Variants in SLC25A48 observed in about 807,000 individuals in gnomAD.
The protein encoded by SLC25A48 is solute carrier family 25 member 48, also known as CTC-321K16.1.
In SLC25A48, 29 loss-of-function variants were observed where a neutral mutation model predicts 32.2. The observed-to-expected ratio is 0.90, with a 90% CI of 0.67 to 1.23. The LOEUF (loss-of-function observed/expected upper bound fraction) is 1.23, where lower values mean the gene tolerates loss of function less well. Among genes scored for constraint, SLC25A48 ranks in the 50% most tolerant of loss-of-function variants. SLC25A48 has a pLI of 0.00. For synonymous variants in SLC25A48, 164 were observed against 172.3 expected (o/e 0.95, Z 0.38); for missense variants, 399 against 422.7 (o/e 0.94, Z 0.49).
chr5:135,769,812 C>T (rs998252354), intron 3 of SLC25A48, among the ~76,000 whole-genome samples: 2 of 151,258 alleles, frequency 1.3e-5, no homozygotes, highest in African/African-American at 4.9e-5. Context: ...TTACTCCCAA[C>T]ATCGCAGGGA....
At chr5:135,586,200 C>T (rs1384156462) in intron 1 of SLC25A48, among the ~76,000 whole-genome samples, 1 of 152,084 alleles carries the variant, frequency 6.6e-6, no homozygotes, top group Non-Finnish European at 1.5e-5. Context: ...ACGCTGCCTC[C>T]CAGGAGGAGG....
At chr5:135,861,857 G>T (rs1760823351) in intron 4 of SLC25A48, among the ~76,000 whole-genome samples, 1 of 152,304 alleles carries the variant, frequency 6.6e-6, no homozygotes, top group South Asian at 2.1e-4. Flanking sequence ...TACATTTAAA[G>T]GGAATTTCCA....
intron 3 of SLC25A48, among the ~76,000 whole-genome samples, chr5:135,712,063 G>T (rs1480666640): frequency 6.6e-6 from 1 of 152,132 alleles, no homozygotes; most frequent in Non-Finnish European, 1.5e-5. Flanking sequence ...AATTGTCGAT[G>T]ATTTTCTAAT....
intron 3 of SLC25A48, among the ~76,000 whole-genome samples, chr5:135,690,078 T>G (rs1482574907): frequency 6.6e-6 from 1 of 152,032 alleles, no homozygotes; most frequent in Non-Finnish European, 1.5e-5. Flanking sequence ...GCTGGGGGGT[T>G]TCCTAGGATG....
chr5:135,699,491 T>G (rs1206479648), intron 3 of SLC25A48, among the ~76,000 whole-genome samples: 1 of 151,742 alleles, frequency 6.6e-6, no homozygotes, highest in East Asian at 1.9e-4. Flanking sequence ...TAAGCACAAC[T>G]TGTCTACGAT....
At chr5:135,833,503 C>A (rs1463765086), upstream of SLC25A48, among the ~76,000 whole-genome samples, 1 of 152,232 alleles carries the variant, frequency 6.6e-6, no homozygotes, top group East Asian at 1.9e-4. Context: ...ATATCCCGGG[C>A]ATGACAGGGC....
chr5:135,606,643 T>G (rs556011910), intron 1 of SLC25A48, among the ~76,000 whole-genome samples: 1 of 152,312 alleles, frequency 6.6e-6, no homozygotes, highest in South Asian at 2.1e-4. Context: ...CCAGCTCCTT[T>G]GTCTCTGAAA....
At chr5:135,811,326 C>A (rs2126651387) in intron 3 of SLC25A48, among the ~76,000 whole-genome samples, 1 of 152,286 alleles carries the variant, frequency 6.6e-6, no homozygotes, top group East Asian at 1.9e-4. Context: ...CCCAGAAAGA[C>A]AAATATCTCA....
chr5:135,745,696 G>A (rs941654172), intron 3 of SLC25A48, among the ~76,000 whole-genome samples: 3 of 152,160 alleles, frequency 2.0e-5, no homozygotes, highest in African/African-American at 7.2e-5. Context: ...TAGCTCACGT[G>A]TTTATATTTC....
intron 3 of SLC25A48, among the ~76,000 whole-genome samples, chr5:135,766,554 T>C (rs563934285): frequency 1.6e-4 from 24 of 151,220 alleles, no homozygotes; most frequent in African/African-American, 5.8e-4. Context: ...TGTTATATGG[T>C]TCATAATATT....
chr5:135,749,648 A>G (rs886364396), intron 3 of SLC25A48, among the ~76,000 whole-genome samples: 2 of 151,906 alleles, frequency 1.3e-5, no homozygotes, highest in Admixed American at 6.6e-5. Flanking sequence ...CTGGAGTACA[A>G]TGGCATGATC....
chr5:135,581,553 G>A (rs193246545), intron 1 of SLC25A48, among the ~76,000 whole-genome samples: 3 of 152,338 alleles, frequency 2.0e-5, no homozygotes, highest in Admixed American at 2.0e-4. Context: ...TTTGTTTCAA[G>A]AATATGTTGA....
At chr5:135,698,494 G>A (rs1432899598) in intron 3 of SLC25A48, among the ~76,000 whole-genome samples, 1 of 152,090 alleles carries the variant, frequency 6.6e-6, no homozygotes, top group Non-Finnish European at 1.5e-5. Context: ...GAACTTGAGT[G>A]TTTCCTTATG....
intron 3 of SLC25A48, among the ~76,000 whole-genome samples, chr5:135,773,178 G>A (rs1241185823): frequency 6.6e-6 from 1 of 151,358 alleles, no homozygotes; most frequent in Non-Finnish European, 1.5e-5. Context: ...AATATCGCAG[G>A]GGGTATACAC....
intron 4 of SLC25A48, among the ~76,000 whole-genome samples, chr5:135,857,728 G>A (rs545403591): frequency 1.3e-5 from 2 of 152,282 alleles, no homozygotes; most frequent in South Asian, 4.1e-4. Context: ...AGGAGGGTTT[G>A]GGAGCAGGGT....
intron 3 of SLC25A48, among the ~76,000 whole-genome samples, chr5:135,654,819 G>A (rs1374878303): frequency 6.6e-6 from 1 of 152,256 alleles, no homozygotes; most frequent in East Asian, 1.9e-4. Flanking sequence ...CCTGTGGCCT[G>A]CAGCATCAGC....
chr5:135,881,793 T>A (rs1008932172), intron 7 of SLC25A48, among the ~76,000 whole-genome samples: 2 of 152,266 alleles, frequency 1.3e-5, no homozygotes, highest in African/African-American at 4.8e-5. Flanking sequence ...TTGTTGTTAT[T>A]CTTCCAAGTA....
At chr5:135,869,522 C>T (rs542331791) in intron 4 of SLC25A48, among the ~76,000 whole-genome samples, 12 of 152,316 alleles carry the variant, frequency 7.9e-5, no homozygotes, top group African/African-American at 2.6e-4. Context: ...GATCCTCTCC[C>T]TCAGTCAGTA....
chr5:135,793,378 T>G (rs1757084593), intron 3 of SLC25A48, among the ~76,000 whole-genome samples: 1 of 151,824 alleles, frequency 6.6e-6, no homozygotes, highest in South Asian at 2.1e-4. Flanking sequence ...GGGATATTAT[T>G]CGTAGTATTT....
Sources: gnomAD v4.1 joint callset for allele counts (sites outside exome capture counted in the v4.1 genomes callset) on GRCh38, gnomAD v4.1.1 for gene constraint, MANE v1.5 for transcripts, NCBI Gene and HGNC (gene_info 2026-07-23, HGNC 2026-07-21) for gene names.